The following NEK10 variants were observed in gnomAD, a reference collection of about 807,000 sequenced individuals.
NEK10 encodes serine/threonine-protein kinase Nek10.
Under a neutral mutation model 159.8 loss-of-function variants are expected in NEK10, and 122 were observed. The ratio of observed to expected loss-of-function variants is 0.76; its 90% CI spans 0.66 to 0.89. NEK10 has a LOEUF of 0.89. Ranked by LOEUF, NEK10 falls within the 40% of genes least tolerant of loss-of-function variation. NEK10 has a pLI of 0.00. For synonymous variants in NEK10, 466 were observed against 457.1 expected (o/e 1.02, Z -0.25); for missense variants, 1,342 against 1,323.1 (o/e 1.01, Z -0.22).
At chr3:27,326,759 A>G (rs959605225) in intron 5 of NEK10, among the ~76,000 whole-genome samples, 1 of 152,148 alleles carries the variant, frequency 6.6e-6, no homozygotes, top group Non-Finnish European at 1.5e-5. Context: ...CTGCTGCTGT[A>G]AATGTAAATA....
intron 3 of NEK10, among the ~76,000 whole-genome samples, chr3:27,349,526 C>A (rs768879222): frequency 7.2e-5 from 11 of 152,138 alleles, no homozygotes; most frequent in Non-Finnish European, 1.2e-4. Context: ...CACCACCATG[C>A]CTTATACGTG....
chr3:27,238,714 T>A (rs569581254), intron 23 of NEK10, among the ~76,000 whole-genome samples: 12 of 151,770 alleles, frequency 7.9e-5, no homozygotes, highest in African/African-American at 2.7e-4. Flanking sequence ...TATTACCAGC[T>A]TAGTGTTATT....
chr3:27,365,905 T>C (rs1265382015), intron 1 of NEK10, among the ~76,000 whole-genome samples: 1 of 152,106 alleles, frequency 6.6e-6, no homozygotes, highest in African/African-American at 2.4e-5. Context: ...CATTCCTGTT[T>C]TTTAAATCAT....
intron 23 of NEK10, among the ~76,000 whole-genome samples, chr3:27,222,046 C>G (rs73038733): frequency 0.21 from 31,781 of 152,094 alleles, 3,321 homozygotes; most frequent in African/African-American, 0.25. Flanking sequence ...TGAAGAGGAG[C>G]CTTCAATTGA....
At chr3:27,309,056 T>A (rs1173365806) in intron 9 of NEK10, 51 bp from the exon 10 acceptor site, 3 of 893,044 alleles carry the variant, frequency 3.4e-6, no homozygotes, top group African/African-American at 3.4e-5. Flanking sequence ...TACAAGCTTC[T>A]TTTTTCAACA....
intron 30 of NEK10, among the ~76,000 whole-genome samples, chr3:27,150,915 C>G (rs1010373674): frequency 6.6e-6 from 1 of 152,102 alleles, no homozygotes; most frequent in Admixed American, 6.5e-5. Context: ...AACTAGGAAT[C>G]CTGAGAGGAT....
intron 23 of NEK10, among the ~76,000 whole-genome samples, chr3:27,235,217 T>C (rs568584167): frequency 5.9e-5 from 9 of 152,288 alleles, no homozygotes; most frequent in African/African-American, 1.7e-4. Flanking sequence ...AAAGATTTCA[T>C]GATGAAGATG....
chr3:27,113,219 A>C (rs758138264), intron 35 of NEK10, among the ~76,000 whole-genome samples: 1 of 143,272 alleles, frequency 7.0e-6, no homozygotes, highest in African/African-American at 3.0e-5. Context: ...GGATCACCTG[A>C]GGCCAGGTCA....
At chr3:27,303,801 A>G (rs1170445823) in intron 12 of NEK10, among the ~76,000 whole-genome samples, 1 of 152,208 alleles carries the variant, frequency 6.6e-6, no homozygotes, top group Non-Finnish European at 1.5e-5. Flanking sequence ...AACAACATTG[A>G]TTTGATAATA....
intron 19 of NEK10, among the ~76,000 whole-genome samples, chr3:27,288,076 C>A (rs1469011717): frequency 2.0e-5 from 3 of 148,686 alleles, no homozygotes; most frequent in African/African-American, 7.3e-5. Context: ...CACAACCCGA[C>A]ACACAGACTG....
chr3:27,280,922 T>TGC (rs1251734169), intron 22 of NEK10, among the ~76,000 whole-genome samples: 11 of 143,846 alleles, frequency 7.6e-5, no homozygotes, highest in African/African-American at 2.7e-4. Context: ...GGTGTGTGTG[T>TGC]GTGTGTGTGT....
intron 23 of NEK10, chr3:27,215,743 CTG>C (rs1206636965): frequency 1.4e-6 from 1 of 711,136 alleles, no homozygotes; most frequent in Non-Finnish European, 2.6e-6. Context: ...GTTCTGCAGG[CTG>C]TACAGGAACC....
chr3:27,148,363 G>C (rs554154202), intron 30 of NEK10, among the ~76,000 whole-genome samples: 36 of 152,234 alleles, frequency 2.4e-4, no homozygotes, highest in African/African-American at 7.9e-4. Flanking sequence ...TCCCCAGACA[G>C]GAGCCAACAC....
chr3:27,124,870 G>C (rs781489682), intron 32 of NEK10, among the ~76,000 whole-genome samples: 1 of 152,170 alleles, frequency 6.6e-6, no homozygotes, highest in East Asian at 1.9e-4. Context: ...ATGGCTAGAT[G>C]AGGCCATGAG....
Position 27,108,375 on chromosome 3 carries a change from A to G in NEK10, c.*2897T>C, listed in dbSNP as rs1431831363. Among the ~76,000 whole-genome samples, 1 of 152,202 alleles carries G rather than the reference A, an allele frequency of 6.6e-6. No homozygotes were observed. Among genetic ancestry groups the G allele is most frequent in the Non-Finnish European group, 1.5e-5 (1 of 68,038 alleles). On this transcript the variant is annotated 3_prime_UTR_variant, in exon 36 of 36. Transcript: ENST00000691995. ...CATTTGAAGACTACATGCCTGGAGG[A>G]AGATAAAGTTAACAAGCAAGCAAAT...
intron 32 of NEK10, among the ~76,000 whole-genome samples, chr3:27,127,192 T>C (rs1395427500): frequency 6.6e-6 from 1 of 152,144 alleles, no homozygotes; most frequent in African/African-American, 2.4e-5. Context: ...TCTCAAGAAT[T>C]GGAAAGCAAA....
At chr3:27,203,546 C>T (rs903617255) in intron 23 of NEK10, among the ~76,000 whole-genome samples, 5 of 151,056 alleles carry the variant, frequency 3.3e-5, no homozygotes, top group Non-Finnish European at 7.4e-5. Context: ...CATATATGTA[C>T]ACTAAAAAAC....
At chr3:27,355,141 G>A (rs546499541) in intron 1 of NEK10, among the ~76,000 whole-genome samples, 1 of 152,274 alleles carries the variant, frequency 6.6e-6, no homozygotes, top group Non-Finnish European at 1.5e-5. Context: ...AGCGCCTGCT[G>A]CATTAGCTTC....
intron 23 of NEK10, among the ~76,000 whole-genome samples, chr3:27,232,195 A>G (rs1953365200): frequency 6.6e-6 from 1 of 151,876 alleles, no homozygotes; most frequent in Non-Finnish European, 1.5e-5. Context: ...TCCTAGATCC[A>G]ATAAATGGAT....
Sources: allele counts gnomAD v4.1 joint callset (sites outside exome capture counted in the v4.1 genomes callset), GRCh38; gene constraint gnomAD v4.1.1; transcripts MANE v1.5; gene names NCBI Gene and HGNC (gene_info 2026-07-23, HGNC 2026-07-21).